The following DPM1 variants were observed in gnomAD, a reference collection of about 807,000 sequenced individuals.
DPM1 encodes the protein dolichol-phosphate mannosyltransferase subunit 1.
DPM1 carries 27 observed loss-of-function variants against 39.0 expected under a neutral mutation model. The observed-to-expected ratio is 0.69, with a 90% CI of 0.51 to 0.95. The LOEUF is 0.95. Among genes scored for constraint, DPM1 ranks in the 40% least tolerant of loss-of-function variants. The probability of loss-of-function intolerance (pLI) is 0.00; values close to 1 mark genes in which losing one functional copy is unlikely to be tolerated. For missense variants in DPM1, 307 were observed against 315.6 expected (o/e 0.97, Z 0.21); for synonymous variants, 124 against 109.0 (o/e 1.14, Z -0.86).
intron 1 of DPM1, among the ~76,000 whole-genome samples, chr20:50,957,821 C>T (rs1377614304): frequency 1.3e-5 from 2 of 152,182 alleles, no homozygotes; most frequent in Non-Finnish European, 2.9e-5. Flanking sequence ...TCCACCCACC[C>T]CCCATCCCGG....
At chr20:50,941,423 T>TATATATATATTCATATTAC (rs1236354634) in intron 6 of DPM1, among the ~76,000 whole-genome samples, 124 of 147,080 alleles carry the variant, frequency 8.4e-4, no homozygotes, top group African/African-American at 2.9e-3. Flanking sequence ...ATTCATATTA[T>TATATATATATTCATATTAC]ATATATTAGC....
At chr20:50,955,360 TC>T in intron 1 of DPM1, 75 bp from the exon 2 acceptor site, 1 of 1,029,958 alleles carries the variant, frequency 9.7e-7, no homozygotes, top group Non-Finnish European at 1.5e-6. Context: ...AATTACTAAT[TC>T]CTTAAAAGTA....
At chr20:50,944,123 C>T (rs1172720712) in intron 5 of DPM1, among the ~76,000 whole-genome samples, 6 of 152,206 alleles carry the variant, frequency 3.9e-5, no homozygotes, top group Admixed American at 3.9e-4. Flanking sequence ...ACTTATACTT[C>T]CTTCAGCAAT....
chr20:50,941,289 T>G, intron 6 of DPM1: 1 of 155,614 alleles, frequency 6.4e-6, no homozygotes, highest in Non-Finnish European at 1.2e-5. Flanking sequence ...ATATAATATA[T>G]ATACACATTC....
intron 7 of DPM1, among the ~76,000 whole-genome samples, chr20:50,939,660 C>G (rs1486804490): frequency 6.6e-6 from 1 of 151,838 alleles, no homozygotes; most frequent in Non-Finnish European, 1.5e-5. Context: ...TGTCGCCAGG[C>G]TGGAGTGCAG....
intron 6 of DPM1, 54 bp from the exon 7 acceptor site, chr20:50,940,987 G>A: frequency 6.7e-7 from 1 of 1,492,860 alleles, no homozygotes; most frequent in Non-Finnish European, 9.3e-7. Flanking sequence ...ATAAACAAGA[G>A]AAACACATCG....
rs776405272 is a variant in DPM1, at chr20:50,936,173, C to CT, written c.652dup (p.Arg218LysfsTer21). The CT allele has an allele frequency of 1.9e-6, 3 of 1,613,486 alleles. No individual in the cohort carries two copies. The highest frequency in any genetic ancestry group is 2.5e-6 in the Non-Finnish European group (3 of 1,179,532). On this transcript the variant is annotated frameshift_variant, in exon 8 of 9. Transcript: ENST00000371588. LOFTEE classifies it high-confidence loss of function. ...CTCGCCAATAGTATAATTCAACTGT[C>CT]TTGCCCGAACAATCATCTCCATCTG...
chr20:50,935,214 C>T lies in DPM1; in HGVS notation c.701G>A (p.Arg234His), dbSNP rs760322056. 12 of 1,606,626 alleles carry T rather than the reference C, an allele frequency of 7.5e-6. No individual in the cohort carries two copies. Among genetic ancestry groups the T allele is most frequent in the East Asian group, 2.2e-5 (1 of 44,658 alleles). The change falls in exon 9 of 9, where the codon CGT becomes CAT. Residue 234 changes from arginine (R) to histidine (H), a missense_variant. Coordinates refer to ENST00000371588, the MANE Select transcript of DPM1 (RefSeq NM_003859.3). ...IGEVPISFVDRVYGESKLGGN... is the reference protein window; with the variant it reads ...IGEVPISFVDHVYGESKLGGN... ...TCCCAACTTGGATTCACCATAAACACGATCCACAAATGATATTGGAACCTA... is the reference window on the plus strand; with the variant it reads ...TCCCAACTTGGATTCACCATAAACATGATCCACAAATGATATTGGAACCTA...
At chr20:50,949,134 C>T (rs1986449928) in intron 2 of DPM1, among the ~76,000 whole-genome samples, 1 of 152,234 alleles carries the variant, frequency 6.6e-6, no homozygotes, top group African/African-American at 2.4e-5. Flanking sequence ...ACTGGGATTA[C>T]AGGCATGAGT....
Position 50,942,074 on chromosome 20 carries a change from T to C in DPM1, c.451A>G (p.Asn151Asp), listed in dbSNP as rs1219748868. 1 of 1,614,182 alleles carries C rather than the reference T, an allele frequency of 6.2e-7. No homozygotes were observed. The highest frequency in any genetic ancestry group is 8.5e-7 in the Non-Finnish European group (1 of 1,180,020). The change falls in exon 6 of 9, where the codon AAT becomes GAT. Residue 151 changes from asparagine to aspartate, a missense_variant. Physicochemically the swap from Asn to Asp is conservative, Grantham distance 23. Coordinates refer to ENST00000371588, the MANE Select transcript of DPM1 (RefSeq NM_003859.3). Reference sequence around the variant, plus strand: ...AAATCCCAGCCATATACACCTCCATTTCCTTTGTAGCGAGTTCCAGAGACA... The same window carrying C: ...AAATCCCAGCCATATACACCTCCATCTCCTTTGTAGCGAGTTCCAGAGACA... ...DIVSGTRYKG[N>D]GGVYGWDLKR...
intron 1 of DPM1, among the ~76,000 whole-genome samples, chr20:50,957,277 C>T (rs1051096270): frequency 2.0e-5 from 3 of 152,292 alleles, no homozygotes; most frequent in Non-Finnish European, 4.4e-5. Flanking sequence ...GATAGGGAAA[C>T]AGGCACTCTG....
chr20:50,955,018 A>G (rs1389646671), intron 2 of DPM1, among the ~76,000 whole-genome samples, 168 bp downstream of exon 2: 1 of 152,244 alleles, frequency 6.6e-6, no homozygotes, highest in Non-Finnish European at 1.5e-5. Context: ...TACCAAAGAT[A>G]TGTAAAATTT....
rs58694792 is a variant in DPM1 at position 50,941,227 on chromosome 20, AATATATAT to A, written c.495-302_495-295del. On this transcript the variant is annotated intron_variant, in intron 6 of 8. Transcript: ENST00000371588. Reference sequence around the variant, plus strand: ...CTCCATCACTACAAAAAAAAAAGTGAATATATATATATATATATATATATATATATATA... The same window carrying A: ...CTCCATCACTACAAAAAAAAAAGTGAATATATATATATATATATATATATA... 600 of 61,178 alleles carry A rather than the reference AATATATAT, an allele frequency of 9.8e-3. 10 individuals are homozygous for A. Among genetic ancestry groups the A allele is most frequent in the Non-Finnish European group, 0.013 (440 of 34,348 alleles). 3.8% of individuals were successfully genotyped at this position (61,178 alleles called of 1,614,324 possible).
intron 5 of DPM1, chr20:50,944,292 TAG>T (rs1364071009): frequency 6.6e-6 from 1 of 152,270 alleles, no homozygotes; most frequent in Non-Finnish European, 1.5e-5. Flanking sequence ...CTTCTTTTAT[TAG>T]CCATTTGGAT....
intron 1 of DPM1, among the ~76,000 whole-genome samples, chr20:50,956,533 AAAAAAAAAAAAAG>A (rs1243943691): frequency 1.2e-5 from 1 of 82,342 alleles, no homozygotes; most frequent in Non-Finnish European, 2.8e-5. Context: ...CTCCAAAAGA[AAAAAAAAAAAAAG>A]AAAAAGAAAA....
Position 50,935,054 on chromosome 20 carries a change from C to T in DPM1, c.*78G>A, listed in dbSNP as rs189552933. On this transcript the variant is annotated 3_prime_UTR_variant, in exon 9 of 9. Coordinates refer to ENST00000371588, the MANE Select transcript of DPM1 (RefSeq NM_003859.3). ...CCTTATATTTTATACTTTAAGAGTA[C>T]ATTTTATACAAATCAGTAACCAGGC... 4.7e-6 allele frequency: 4 copies of T among 843,216 alleles called. No homozygotes were observed. The highest frequency in any genetic ancestry group is 8.0e-6 in the Non-Finnish European group (4 of 498,984). The allele number at this position is 843,216 out of a possible 1,614,324, so 52.2% of individuals were successfully genotyped here.
Position 50,935,255 on chromosome 20 carries a change from AGTAACGTTAGTCTTT to A in DPM1, c.679-34_679-20del, listed in dbSNP as rs1985048755. On this transcript the variant is annotated intron_variant, in intron 8 of 8. Coordinates refer to ENST00000371588, the MANE Select transcript of DPM1 (RefSeq NM_003859.3). ...TTGGAACCTAGTTTAAAAAAAAAAA[AGTAACGTTAGTCTTT>A]AAAAACAATTAGGCAGCTTAGCCGG... is the stretch of plus-strand genomic sequence containing the variant. The A allele has an allele frequency of 4.2e-6, 6 of 1,441,300 alleles. No homozygotes were observed. The highest frequency in any genetic ancestry group is 1.7e-5 in the Admixed American group (1 of 59,456). The allele number at this position is 1,441,300 out of a possible 1,614,324, so 89.3% of individuals were successfully genotyped here. A position where few individuals can be genotyped will look rare whatever the true frequency, so the allele number is the denominator to read the frequency against.
chr20:50,939,990 C>T (rs1985571189), intron 7 of DPM1, among the ~76,000 whole-genome samples: 2 of 152,200 alleles, frequency 1.3e-5, no homozygotes, highest in Admixed American at 6.5e-5. Flanking sequence ...AGCCTCCCCT[C>T]TCTTTCATCC....
At chr20:50,945,804 C>T in intron 4 of DPM1, 42 bp from the exon 5 acceptor site, 1 of 1,611,086 alleles carries the variant, frequency 6.2e-7, no homozygotes, top group South Asian at 1.1e-5. Context: ...GTAAAACAGG[C>T]TAAGACTACC....
Sources: allele counts gnomAD v4.1 joint callset (sites outside exome capture counted in the v4.1 genomes callset), GRCh38; gene constraint gnomAD v4.1.1; transcripts MANE v1.5; gene names NCBI Gene and HGNC (gene_info 2026-07-23, HGNC 2026-07-21).